The following L3MBTL3 variants were observed in gnomAD, a reference collection of about 807,000 sequenced individuals.
L3MBTL3 encodes the protein L3MBTL histone methyl-lysine binding protein 3.
In L3MBTL3, 27 loss-of-function variants were observed where a neutral mutation model predicts 102.3. That is an observed-to-expected ratio of 0.26 (90% CI 0.19 to 0.36). The LOEUF (loss-of-function observed/expected upper bound fraction) is 0.36, where lower values mean the gene tolerates loss of function less well. L3MBTL3 is among the 10% of genes least tolerant of loss of function. The probability of loss-of-function intolerance (pLI) is 1.00; values close to 1 mark genes in which losing one functional copy is unlikely to be tolerated. For synonymous variants in L3MBTL3, 340 were observed against 320.9 expected, an observed-to-expected ratio of 1.06 and a Z score of -0.64; for missense variants, 798 against 955.3, an observed-to-expected ratio of 0.84 and a Z score of 2.17.
At chr6:130,055,962 C>A (rs1190337867) in intron 8 of L3MBTL3, among the ~76,000 whole-genome samples, 1 of 141,368 alleles carries the variant, frequency 7.1e-6, no homozygotes, top group African/African-American at 2.6e-5. Context: ...GATTCTCACT[C>A]TGTCACCCAG....
At chr6:130,060,476 TTTTTTTAGTA>T (rs1054589905) in intron 10 of L3MBTL3, among the ~76,000 whole-genome samples, 4 of 152,164 alleles carry the variant, frequency 2.6e-5, no homozygotes, top group African/African-American at 9.7e-5. Context: ...TGTGTTGTTT[TTTTTTTAGTA>T]TTTCAAGGTA....
intron 10 of L3MBTL3, among the ~76,000 whole-genome samples, chr6:130,061,793 G>T (rs995615646): frequency 8.5e-5 from 13 of 152,196 alleles, no homozygotes; most frequent in Non-Finnish European, 4.4e-5. Context: ...CATCATCTAA[G>T]AGGTGGGTGC....
intron 14 of L3MBTL3, among the ~76,000 whole-genome samples, chr6:130,083,286 G>A (rs1177111212): frequency 1.3e-5 from 2 of 152,006 alleles, no homozygotes; most frequent in African/African-American, 2.4e-5. Context: ...AAACAATTGT[G>A]TGTTGCCTTT....
chr6:130,128,203 T>G (rs1164202553), intron 20 of L3MBTL3, among the ~76,000 whole-genome samples: 6 of 151,044 alleles, frequency 4.0e-5, no homozygotes, highest in Non-Finnish European at 7.4e-5. Flanking sequence ...GTTAGGGGGG[T>G]GTGTGTGTGT....
chr6:130,036,286 A>G (rs1780058267), intron 2 of L3MBTL3, among the ~76,000 whole-genome samples: 1 of 152,202 alleles, frequency 6.6e-6, no homozygotes, highest in Non-Finnish European at 1.5e-5. Context: ...GTGGAAGAAC[A>G]ATCTGTTGTA....
At position 130,133,845 on chromosome 6, in the gene L3MBTL3, G is replaced by C; in HGVS notation, c.2139G>C (p.Val713=). 6.2e-7 allele frequency: 1 copy of C among 1,612,280 alleles called. No individual in the cohort carries two copies. The highest frequency in any genetic ancestry group is 8.5e-7 in the Non-Finnish European group (1 of 1,178,416). ...AATTTTGATATTGCTTTTGACAGGT[G>C]TCAGAATTTATACAGAGCTTACCTG... ...SKVSKWSTDE[V]SEFIQSLPGC... is the part of the protein sequence containing the mutation. The change falls in exon 22 of 23, where the codon GTG becomes GTC. Residue 713 remains valine (V), a splice_region_variant and synonymous_variant. Coordinates refer to ENST00000361794, the MANE Select transcript of L3MBTL3 (RefSeq NM_032438.4). This position sits in a 1 kb window ranked among gnomAD's most constrained non-coding sequence, Gnocchi z 4.9.
chr6:130,098,345 A>G (rs1400241889), intron 18 of L3MBTL3, among the ~76,000 whole-genome samples: 2 of 152,106 alleles, frequency 1.3e-5, no homozygotes, highest in Non-Finnish European at 2.9e-5. Flanking sequence ...TAGGTGAGGG[A>G]CTGTATAGAG....
chr6:130,025,619 A>G lies in L3MBTL3; in HGVS notation c.-16+3314A>G, dbSNP rs538258341. Among the ~76,000 whole-genome samples, 12 of 152,316 alleles carry G rather than the reference A, an allele frequency of 7.9e-5. No individual in the cohort carries two copies. In the South Asian group the frequency reaches 2.5e-3, roughly 32 times the overall value. Reference sequence around the variant, plus strand: ...GTAAAGTTAAGTTGGGTGATCTTGGATGAGGGAACTTTCCTCATAAACTGT... The same window carrying G: ...GTAAAGTTAAGTTGGGTGATCTTGGGTGAGGGAACTTTCCTCATAAACTGT... On this transcript the variant is annotated intron_variant, in intron 2 of 22. Coordinates refer to ENST00000361794, the MANE Select transcript of L3MBTL3 (RefSeq NM_032438.4).
intron 8 of L3MBTL3, among the ~76,000 whole-genome samples, chr6:130,057,056 C>T (rs1228061267): frequency 6.6e-6 from 1 of 152,154 alleles, no homozygotes; most frequent in Non-Finnish European, 1.5e-5. Context: ...TTTCCACAGT[C>T]CTCAACTTCT....
At position 130,092,643 on chromosome 6, in the gene L3MBTL3, A is replaced by G. The variant is rs865938173; in HGVS notation, c.1519-102A>G. 9.3e-5 allele frequency: 61 copies of G among 652,882 alleles called. No homozygotes were observed. In the Middle Eastern group the frequency reaches 1.1e-3, roughly 12 times the overall value. 40.4% of individuals were successfully genotyped at this position (652,882 alleles called of 1,614,324 possible). On this transcript the variant is annotated intron_variant, in intron 16 of 22. Transcript: ENST00000361794. ...AACTGATTTATTGGGTTTTAAATCT[A>G]CTGTATGTGTTAGAATGAAAATGGT...
In L3MBTL3 at chr6:130,104,494, G is replaced by A. The variant is rs752847750; in HGVS notation, c.1805G>A (p.Gly602Asp). The A allele has an allele frequency of 1.9e-6, 3 of 1,600,544 alleles. No homozygotes were observed. The highest frequency in any genetic ancestry group is 2.6e-6 in the Non-Finnish European group (3 of 1,173,770). ...CGTATTTTTCCAGACCGCTTAAGTG[G>A]TGAGATGCCTCCGGCTAGTCCGTCA... Reference protein sequence around the residue: ...KDRIFPDRLSGEMPPASPSFP... With the variant: ...KDRIFPDRLSDEMPPASPSFP... The change falls in exon 19 of 23, where the codon GGT becomes GAT. Residue 602 changes from glycine to aspartate, a missense_variant. Gly to Asp is a moderately conservative substitution (Grantham distance 94). Transcript: ENST00000361794.
At chr6:130,118,798 G>C (rs1296269157) in intron 19 of L3MBTL3, among the ~76,000 whole-genome samples, 1 of 152,136 alleles carries the variant, frequency 6.6e-6, no homozygotes, top group African/African-American at 2.4e-5. Context: ...AGACTACATA[G>C]CTTCCATTCT....
At chr6:130,101,369 A>G (rs1784675504) in intron 18 of L3MBTL3, among the ~76,000 whole-genome samples, 1 of 152,188 alleles carries the variant, frequency 6.6e-6, no homozygotes, top group African/African-American at 2.4e-5. Context: ...CTGAGTAGAA[A>G]TGTTTAGTGA....
At chr6:130,049,245 C>T (rs1780927755) in intron 3 of L3MBTL3, 37 bp from the exon 4 acceptor site, 1 of 1,205,132 alleles carries the variant, frequency 8.3e-7, no homozygotes, top group African/African-American at 1.5e-5. Flanking sequence ...TTCCTGAGCA[C>T]TTTTTAAATT....
rs893749575 is a variant in L3MBTL3 at position 130,094,199 on chromosome 6, A to G, written c.1634-66A>G. 21 of 1,270,734 alleles carry G rather than the reference A, an allele frequency of 1.7e-5. No homozygotes were observed. In the African/African-American group the frequency reaches 2.7e-4, roughly 16 times the overall value. 78.7% of individuals were successfully genotyped at this position (1,270,734 alleles called of 1,614,324 possible). A position where few individuals can be genotyped will look rare whatever the true frequency, so the allele number is the denominator to read the frequency against. ...TTTTCTTCCTTATTCTGATCCAGAC[A>G]TTTGACTCTTCACAGATTTTTGCTT... On this transcript the variant is annotated intron_variant, in intron 17 of 22. Transcript: ENST00000361794.
chr6:130,021,616 G>T (rs1234339474), intron 1 of L3MBTL3, among the ~76,000 whole-genome samples: 1 of 152,152 alleles, frequency 6.6e-6, no homozygotes, highest in Non-Finnish European at 1.5e-5. Flanking sequence ...GTTGAAATGT[G>T]TTTAAAACTT....
At chr6:130,114,716 T>C (rs1447815610) in intron 19 of L3MBTL3, among the ~76,000 whole-genome samples, 1 of 152,250 alleles carries the variant, frequency 6.6e-6, no homozygotes, top group Non-Finnish European at 1.5e-5. Flanking sequence ...TCCTGGGTGA[T>C]GTTTATGAAA....
chr6:130,135,273 A>G (rs1787521171), intron 22 of L3MBTL3, among the ~76,000 whole-genome samples: 1 of 151,922 alleles, frequency 6.6e-6, no homozygotes, highest in Non-Finnish European at 1.5e-5. Context: ...CGTGTTGGCC[A>G]GGCTGGTCTC....
chr6:130,094,334 A>G lies in L3MBTL3; in HGVS notation c.1703A>G (p.His568Arg), dbSNP rs1432350408. Reference protein sequence around the residue: ...CSTPGCKGIGHFKRARHLGPH... With the variant: ...CSTPGCKGIGRFKRARHLGPH... ...ACCCCGGGATGTAAAGGGATTGGCC[A>G]TTTCAAGAGAGCGAGACATCTGGGC... The change falls in exon 18 of 23, where the codon CAT (histidine) becomes CGT (arginine). Residue 568 changes from histidine to arginine, a missense_variant. By Grantham distance (29) the His-to-Arg change is conservative. Coordinates refer to ENST00000361794, the MANE Select transcript of L3MBTL3 (RefSeq NM_032438.4). The G allele has an allele frequency of 1.2e-6, 2 of 1,613,806 alleles. No homozygotes were observed. Among genetic ancestry groups the G allele is most frequent in the South Asian group, 1.1e-5 (1 of 91,060 alleles).
Sources: gnomAD v4.1 joint callset for allele counts (sites outside exome capture counted in the v4.1 genomes callset) on GRCh38, gnomAD v4.1.1 for gene constraint, Gnocchi (gnomAD v3.1) non-coding constraint, MANE v1.5 for transcripts, NCBI Gene and HGNC (gene_info 2026-07-23, HGNC 2026-07-21) for gene names.